Variants in SETD2 observed in about 807,000 individuals in gnomAD.
The protein encoded by SETD2 is histone-lysine N-methyltransferase SETD2.
In SETD2, 31 loss-of-function variants were observed where a neutral mutation model predicts 242.1. The ratio of observed to expected loss-of-function variants is 0.13; its 90% CI spans 0.10 to 0.17. The LOEUF (loss-of-function observed/expected upper bound fraction) is 0.17, where lower values mean the gene tolerates loss of function less well. Among genes scored for constraint, SETD2 ranks in the 10% least tolerant of loss-of-function variants. SETD2 has a pLI of 1.00. For synonymous variants in SETD2, 1,006 were observed against 1,066.5 expected, an observed-to-expected ratio of 0.94 and a Z score of 1.11; for missense variants, 2,481 against 3,046.3, an observed-to-expected ratio of 0.81 and a Z score of 4.37.
intron 9 of SETD2, among the ~76,000 whole-genome samples, chr3:47,090,879 A>G (rs2041776216): frequency 6.6e-6 from 1 of 152,176 alleles, no homozygotes; most frequent in Non-Finnish European, 1.5e-5. Context: ...TTTTTCTTTT[A>G]CTTAACTAGC....
chr3:47,103,565 G>A (rs911315800), intron 6 of SETD2, 142 bp from the exon 7 acceptor site: 5 of 581,016 alleles, frequency 8.6e-6, no homozygotes, highest in East Asian at 2.9e-5. Context: ...GTAGGGCAGT[G>A]AGGCCTCCTG....
chr3:47,042,590 C>T lies in SETD2; in HGVS notation c.7209G>A (p.Gly2403=), dbSNP rs751796954. 1.2e-6 allele frequency: 2 copies of T among 1,614,040 alleles called. No individual in the cohort carries two copies. The highest frequency in any genetic ancestry group is 1.1e-5 in the South Asian group (1 of 91,078). ...TGATCACATGGTAGTAATAAATCTT[C>T]CCTTCTGGATCTCGAGCTGTCTTCC... is the stretch of plus-strand genomic sequence containing the variant. ...PNWKTARDPE[G]KIYYYHVITR... Residue 2403 remains glycine, a synonymous_variant, in exon 17 of 21, where the codon GGG becomes GGA. Transcript: ENST00000409792.
In SETD2 at chr3:47,121,840, T is replaced by C. The variant is rs2043104528; in HGVS notation, c.2796A>G (p.Val932=). 6.2e-7 allele frequency: 1 copy of C among 1,614,088 alleles called. No individual in the cohort carries two copies. Among genetic ancestry groups the C allele is most frequent in the Non-Finnish European group, 8.5e-7 (1 of 1,179,988 alleles). The change falls in exon 3 of 21, where the codon GTA becomes GTG. Residue 932 remains valine (V), a synonymous_variant. Coordinates refer to ENST00000409792, the MANE Select transcript of SETD2 (RefSeq NM_014159.7). Reference sequence around the variant, plus strand: ...TTCCTGAATCAGGAAGGTCACTACCTACTTCTACTATTGTTTCTTTCCCTG... The same window carrying C: ...TTCCTGAATCAGGAAGGTCACTACCCACTTCTACTATTGTTTCTTTCCCTG... ...KHAGKETIVE[V]GSDLPDSGKG...
chr3:47,116,774 A>G lies in SETD2; in HGVS notation c.4455-20T>C, dbSNP rs775031241. On this transcript the variant is annotated intron_variant, in intron 3 of 20. Coordinates refer to ENST00000409792, the MANE Select transcript of SETD2 (RefSeq NM_014159.7). Reference sequence around the variant, plus strand: ...TTCTTTCTATTGGGTAAAATTTCATAAAAACTGATTAAATAAATTTCCTGG... The same window carrying G: ...TTCTTTCTATTGGGTAAAATTTCATGAAAACTGATTAAATAAATTTCCTGG... 6.6e-7 allele frequency: 1 copy of G among 1,512,100 alleles called. No individual in the cohort carries two copies. The highest frequency in any genetic ancestry group is 1.2e-5 in the South Asian group (1 of 85,812). 93.7% of individuals were successfully genotyped at this position (1,512,100 alleles called of 1,614,324 possible). A position where few individuals can be genotyped will look rare whatever the true frequency, so the allele number is the denominator to read the frequency against.
In SETD2 at chr3:47,120,421, T is replaced by C. The variant is rs2043025544; in HGVS notation, c.4215A>G (p.Lys1405=). The C allele has an allele frequency of 6.2e-7, 1 of 1,611,496 alleles. No individual in the cohort carries two copies. The change falls in exon 3 of 21, where the codon AAA becomes AAG. Residue 1405 remains lysine, a synonymous_variant. Coordinates refer to ENST00000409792, the MANE Select transcript of SETD2 (RefSeq NM_014159.7). ...CACTCTCTATTTCCTGCCTCCTTTT[T>C]TTAAGAGGCCCTCTATCTTTGATAT... ...KNDIKDRGPL[K]KRRQEIESDS...
intron 18 of SETD2, among the ~76,000 whole-genome samples, chr3:47,025,355 A>G (rs540210082): frequency 6.6e-6 from 1 of 152,280 alleles, no homozygotes; most frequent in African/African-American, 2.4e-5. Flanking sequence ...TTGCCTAACT[A>G]TTAACACTCT....
At chr3:47,076,808 TGA>T (rs983861927) in intron 12 of SETD2, among the ~76,000 whole-genome samples, 1 of 152,244 alleles carries the variant, frequency 6.6e-6, no homozygotes, top group Non-Finnish European at 1.5e-5. Context: ...CCTCATGCAC[TGA>T]GTGTGTAAAG....
intron 1 of SETD2, among the ~76,000 whole-genome samples, chr3:47,161,911 TAAA>T (rs774374329): frequency 5.0e-5 from 6 of 119,986 alleles, no homozygotes; most frequent in Non-Finnish European, 3.5e-5. Flanking sequence ...ACCCTGCCTC[TAAA>T]AAAAAAAAAA....
intron 11 of SETD2, 68 bp downstream of exon 11, chr3:47,086,127 C>T (rs2107644995): frequency 6.5e-7 from 1 of 1,548,090 alleles, no homozygotes. Flanking sequence ...CTGATATTAT[C>T]ACATATCCAC....
intron 1 of SETD2, among the ~76,000 whole-genome samples, chr3:47,150,190 C>T (rs1362009057): frequency 4.6e-5 from 7 of 151,746 alleles, no homozygotes; most frequent in Admixed American, 6.6e-5. Context: ...CCACCACGCC[C>T]GGCTAATTTT....
chr3:47,113,135 T>C (rs926082917), intron 5 of SETD2, among the ~76,000 whole-genome samples: 7 of 150,880 alleles, frequency 4.6e-5, no homozygotes, highest in Non-Finnish European at 1.0e-4. Context: ...AGACAAGAGA[T>C]CACTGCCATC....
At chr3:47,133,292 G>C (rs185192095) in intron 1 of SETD2, among the ~76,000 whole-genome samples, 36 of 152,226 alleles carry the variant, frequency 2.4e-4, no homozygotes, top group African/African-American at 7.9e-4. Flanking sequence ...GAGCTCAAAC[G>C]ATCCTCCCGC....
At chr3:47,049,339 A>C (rs1484125072) in intron 15 of SETD2, among the ~76,000 whole-genome samples, 1 of 127,198 alleles carries the variant, frequency 7.9e-6, no homozygotes, top group African/African-American at 3.0e-5. Flanking sequence ...ATATATATAT[A>C]TATATATATG....
chr3:47,032,554 C>A (rs1018026991), intron 18 of SETD2, among the ~76,000 whole-genome samples: 2 of 151,662 alleles, frequency 1.3e-5, no homozygotes, highest in Non-Finnish European at 2.9e-5. Flanking sequence ...CAAAAAAAAA[C>A]CAGAATACTT....
intron 15 of SETD2, among the ~76,000 whole-genome samples, chr3:47,049,020 T>C (rs1364890274): frequency 6.6e-6 from 1 of 151,526 alleles, no homozygotes; most frequent in Non-Finnish European, 1.5e-5. Context: ...AATGCAGTAG[T>C]GTGATCATAG....
chr3:47,062,426 C>A (rs2040378460), intron 13 of SETD2, 80 bp from the exon 14 acceptor site: 1 of 1,278,150 alleles, frequency 7.8e-7, no homozygotes, highest in South Asian at 1.5e-5. Context: ...GACAATGTAT[C>A]AACTGTATAA....
chr3:47,030,698 A>T (rs1178210771), intron 18 of SETD2, among the ~76,000 whole-genome samples: 1 of 152,198 alleles, frequency 6.6e-6, no homozygotes, highest in Non-Finnish European at 1.5e-5. Flanking sequence ...TTTATTAGAA[A>T]CTATTATTAA....
intron 18 of SETD2, among the ~76,000 whole-genome samples, chr3:47,035,897 C>A (rs1184769559): frequency 6.6e-6 from 1 of 152,184 alleles, no homozygotes; most frequent in South Asian, 2.1e-4. Context: ...CAGTCTTGGG[C>A]ATATTCCTAA....
At position 47,122,803 on chromosome 3, in the gene SETD2, C is replaced by T. The variant is rs575862721; in HGVS notation, c.1833G>A (p.Lys611=). The change falls in exon 3 of 21, where the codon AAG becomes AAA. Residue 611 remains lysine, a synonymous_variant. Transcript: ENST00000409792. ...GATTTGATGGAGCTGGAGACCCAGC[C>T]TTTTCTCTTTCAGGATTTTTATTAA... ...RMINKNPERE[K]AGSPAPSNRL... is the part of the protein sequence containing the mutation. 12 of 1,613,242 alleles carry T rather than the reference C, an allele frequency of 7.4e-6. No individual in the cohort carries two copies. The African/African-American group carries it at 1.6e-4, about 22-fold the overall frequency.
Sources: allele counts gnomAD v4.1 joint callset (sites outside exome capture counted in the v4.1 genomes callset), GRCh38; gene constraint gnomAD v4.1.1; transcripts MANE v1.5; gene names NCBI Gene and HGNC (gene_info 2026-07-23, HGNC 2026-07-21).